Variants in CFAP69 observed in about 807,000 individuals in gnomAD.
CFAP69 encodes cilia- and flagella-associated protein 69.
Under a neutral mutation model 123.0 loss-of-function variants are expected in CFAP69, and 92 were observed. The observed-to-expected ratio is 0.75, with a 90% CI of 0.63 to 0.89. CFAP69 has a LOEUF of 0.89. Among genes scored for constraint, CFAP69 ranks in the 40% least tolerant of loss-of-function variants. The pLI, the probability that CFAP69 is intolerant of heterozygous loss-of-function variation, is 0.00. For missense variants in CFAP69, 1,067 were observed against 1,096.9 expected (o/e 0.97, Z 0.39); for synonymous variants, 380 against 364.3 (o/e 1.04, Z -0.49).
chr7:90,277,484 AT>A, intron 11 of CFAP69, 150 bp downstream of exon 11: 1 of 613,898 alleles, frequency 1.6e-6, no homozygotes, highest in Non-Finnish European at 2.4e-6. Context: ...TAGCTTTTAA[AT>A]TTTTTCTTTG....
chr7:90,265,404 G>A (rs1183960311), intron 5 of CFAP69, 27 bp downstream of exon 5: 5 of 1,485,246 alleles, frequency 3.4e-6, no homozygotes, highest in Non-Finnish European at 4.7e-6. Context: ...TTAAGGTATA[G>A]GGATGTAACA....
intron 1 of CFAP69, among the ~76,000 whole-genome samples, chr7:90,250,837 C>T (rs557010431): frequency 6.6e-6 from 1 of 152,280 alleles, no homozygotes; most frequent in South Asian, 2.1e-4. Flanking sequence ...TCCAGCATTC[C>T]CTGTCTCAGG....
chr7:90,264,104 AATATATATATAT>A (rs71104454), intron 4 of CFAP69, among the ~76,000 whole-genome samples: 574 of 48,648 alleles, frequency 0.012, 21 homozygotes, highest in Non-Finnish European at 0.015. Flanking sequence ...AAAAAAAAAA[AATATATATATAT>A]ATATATATAT....
At position 90,279,391 on chromosome 7, in the gene CFAP69, G is replaced by A. The variant is rs188679090; in HGVS notation, c.1156-286G>A. 1.4e-3 allele frequency among the ~76,000 whole-genome samples: 219 copies of A among 152,108 alleles called. 3 individuals carry two copies. The highest frequency in any genetic ancestry group is 4.9e-3 in the African/African-American group (204 of 41,496). On this transcript the variant is annotated intron_variant, in intron 11 of 22. Coordinates refer to ENST00000389297, the MANE Select transcript of CFAP69 (RefSeq NM_001039706.3). ...TTATTATACGTTAAAATATCCTATG[G>A]TTTTATTATAAGCAGGAACTACATT...
At chr7:90,309,586 T>C (rs1794083250) in intron 22 of CFAP69, among the ~76,000 whole-genome samples, 1 of 152,022 alleles carries the variant, frequency 6.6e-6, no homozygotes, top group Non-Finnish European at 1.5e-5. Flanking sequence ...CCCCAAAATA[T>C]TATGTCAATG....
chr7:90,284,920 G>A (rs921175623), intron 13 of CFAP69, among the ~76,000 whole-genome samples: 1 of 152,140 alleles, frequency 6.6e-6, no homozygotes, highest in Non-Finnish European at 1.5e-5. Context: ...GCCTCAAAGG[G>A]TTTTGATTAG....
At chr7:90,251,684 T>C (rs1333779161) in intron 1 of CFAP69, among the ~76,000 whole-genome samples, 2 of 152,012 alleles carry the variant, frequency 1.3e-5, no homozygotes, top group South Asian at 2.1e-4. Context: ...AAAAACCTAC[T>C]AATAAATAGT....
At chr7:90,318,152 G>A in the CFAP69 span, 2 of 152,142 alleles carry the variant, frequency 1.3e-5, no homozygotes, top group South Asian at 2.1e-4. Context: ...TAACTCCATT[G>A]TATTACTTCC....
At chr7:90,253,839 G>A (rs1797316846) in intron 1 of CFAP69, among the ~76,000 whole-genome samples, 1 of 151,960 alleles carries the variant, frequency 6.6e-6, no homozygotes. Context: ...TTTTAGCTTG[G>A]TGTAATCCCG....
chr7:90,305,322 CA>C (rs1461542129), intron 19 of CFAP69, among the ~76,000 whole-genome samples: 4 of 134,820 alleles, frequency 3.0e-5, no homozygotes, highest in Admixed American at 2.5e-4. Context: ...GCCTGGGCGA[CA>C]GAGCGAGACT....
rs150000646 is a variant in CFAP69 at position 90,255,438 on chromosome 7, A to G, written c.136A>G (p.Met46Val). ...TGTTTTTTAGGATGTTTTCAAGCCT[A>G]TGGACCTTAATCGTGTCATCAAACT... is the stretch of plus-strand genomic sequence containing the variant. ...DDEAQDVFKP[M>V]DLNRVIKLLE... Residue 46 changes from methionine to valine, a missense_variant, in exon 2 of 23, where the codon ATG becomes GTG. Transcript: ENST00000389297. 4,856 of 1,612,780 alleles carry G rather than the reference A, an allele frequency of 3.0e-3. 8 individuals are homozygous for G. The highest frequency in any genetic ancestry group is 3.7e-3 in the Non-Finnish European group (4,311 of 1,179,246).
rs547105896 is a variant in CFAP69, at chr7:90,274,436, A to C, written c.984+326A>C. On this transcript the variant is annotated intron_variant, in intron 9 of 22. Coordinates refer to ENST00000389297, the MANE Select transcript of CFAP69 (RefSeq NM_001039706.3). ...TTGTTTACAATTTCTTGTGGTGCAAATCTACTGGCTGCTGGCAACAAGTTA... is the reference window on the plus strand; with the variant it reads ...TTGTTTACAATTTCTTGTGGTGCAACTCTACTGGCTGCTGGCAACAAGTTA... Among the ~76,000 whole-genome samples, 14 of 152,246 alleles carry C rather than the reference A, an allele frequency of 9.2e-5. No homozygotes were observed. In the South Asian group the frequency reaches 2.9e-3, roughly 32 times the overall value.
intron 15 of CFAP69, among the ~76,000 whole-genome samples, chr7:90,295,811 A>G (rs959578707): frequency 6.6e-6 from 1 of 152,250 alleles, no homozygotes; most frequent in South Asian, 2.1e-4. Flanking sequence ...ATGATATGCC[A>G]AACATGGAGT....
At chr7:90,262,827 C>A (rs539207536) in intron 4 of CFAP69, among the ~76,000 whole-genome samples, 3 of 151,824 alleles carry the variant, frequency 2.0e-5, no homozygotes, top group African/African-American at 7.2e-5. Flanking sequence ...ATTATGCATA[C>A]ATGATAGGTT....
downstream of CFAP69, among the ~76,000 whole-genome samples, chr7:90,314,389 G>A (rs889578007): frequency 1.3e-5 from 2 of 152,152 alleles, no homozygotes; most frequent in Admixed American, 6.5e-5. Flanking sequence ...TTGGGAGGCT[G>A]ACTCAGGCAG....
chr7:90,273,412 A>G (rs1340590207), intron 8 of CFAP69, among the ~76,000 whole-genome samples: 1 of 152,168 alleles, frequency 6.6e-6, no homozygotes, highest in Non-Finnish European at 1.5e-5. Flanking sequence ...GGAAAATGAC[A>G]TGATTGAATG....
intron 15 of CFAP69, among the ~76,000 whole-genome samples, chr7:90,293,197 C>T (rs1173910129): frequency 1.3e-5 from 2 of 152,164 alleles, no homozygotes; most frequent in African/African-American, 2.4e-5. Context: ...ACAATGCTTC[C>T]TGTATGATGT....
At chr7:90,289,306 C>T (rs1189980269) in intron 15 of CFAP69, among the ~76,000 whole-genome samples, 3 of 152,094 alleles carry the variant, frequency 2.0e-5, no homozygotes, top group Non-Finnish European at 4.4e-5. Context: ...TTTCCACACC[C>T]TTACCAACAC....
At chr7:90,286,116 A>G (rs910881053) in intron 13 of CFAP69, among the ~76,000 whole-genome samples, 165 bp from the exon 14 acceptor site, 4 of 152,254 alleles carry the variant, frequency 2.6e-5, no homozygotes, top group African/African-American at 9.6e-5. Flanking sequence ...AGCCTAGGCA[A>G]CATAATGAGA....
Sources: gnomAD v4.1 joint callset for allele counts (sites outside exome capture counted in the v4.1 genomes callset) on GRCh38, gnomAD v4.1.1 for gene constraint, MANE v1.5 for transcripts, NCBI Gene and HGNC (gene_info 2026-07-23, HGNC 2026-07-21) for gene names.